SH3BGRL2: variants seen among roughly 807,000 people sequenced by gnomAD.
SH3BGRL2 encodes SH3 domain-binding glutamic acid-rich-like protein 2.
A neutral mutation model predicts 14.8 loss-of-function variants in SH3BGRL2; 21 were observed. That is an observed-to-expected ratio of 1.42 (90% CI 1.01 to 2.05). The LOEUF is 2.05. SH3BGRL2 is among the 30% of genes most tolerant of loss of function. The pLI, the probability that SH3BGRL2 is intolerant of heterozygous loss-of-function variation, is 0.00. For synonymous variants in SH3BGRL2, 50 were observed against 47.8 expected, an observed-to-expected ratio of 1.05 and a Z score of -0.19; for missense variants, 147 against 130.8, an observed-to-expected ratio of 1.12 and a Z score of -0.61.
the SH3BGRL2 span, among the ~76,000 whole-genome samples, chr6:79,580,045 CAAAG>C: frequency 3.3e-5 from 5 of 152,214 alleles, no homozygotes; most frequent in East Asian, 3.9e-4. Flanking sequence ...TCAAAAGAGA[CAAAG>C]AAGGCCATTA....
intron 1 of SH3BGRL2, among the ~76,000 whole-genome samples, chr6:79,662,339 T>C (rs1355228847): frequency 1.3e-5 from 2 of 152,236 alleles, no homozygotes; most frequent in Non-Finnish European, 2.9e-5. Context: ...AAGGCGGACC[T>C]GGTGGTGACA....
At chr6:79,619,911 A>G in the SH3BGRL2 span, among the ~76,000 whole-genome samples, 1 of 152,240 alleles carries the variant, frequency 6.6e-6, no homozygotes, top group Non-Finnish European at 1.5e-5. Context: ...TAGAAGTCAC[A>G]CCATTTGGTT....
intron 1 of SH3BGRL2, among the ~76,000 whole-genome samples, chr6:79,661,628 C>T (rs1769550388): frequency 1.3e-5 from 2 of 152,150 alleles, no homozygotes; most frequent in Non-Finnish European, 1.5e-5. Flanking sequence ...GTGAAGAGTT[C>T]TGTAGATGTC....
chr6:79,628,512 G>A (rs1267231786), upstream of SH3BGRL2, among the ~76,000 whole-genome samples: 4 of 151,832 alleles, frequency 2.6e-5, no homozygotes, highest in Non-Finnish European at 4.4e-5. Context: ...TTGGCTACCC[G>A]CTCTATCTGT....
the SH3BGRL2 span, among the ~76,000 whole-genome samples, chr6:79,548,159 A>G: frequency 6.6e-6 from 1 of 151,840 alleles, no homozygotes; most frequent in Non-Finnish European, 1.5e-5. Flanking sequence ...CTGAGCCACC[A>G]CTCCCAGCCA....
At chr6:79,572,418 T>G in the SH3BGRL2 span, among the ~76,000 whole-genome samples, 1 of 152,124 alleles carries the variant, frequency 6.6e-6, no homozygotes, top group Non-Finnish European at 1.5e-5. Context: ...TTCTACCAAT[T>G]TTATGGGTAT....
At chr6:79,561,344 G>A in the SH3BGRL2 span, 1 of 152,008 alleles carries the variant, frequency 6.6e-6, no homozygotes, top group Non-Finnish European at 1.5e-5. Context: ...GTGGGAGAAG[G>A]TGTATTTTGT....
intron 1 of SH3BGRL2, among the ~76,000 whole-genome samples, chr6:79,669,176 G>A (rs1769720804): frequency 6.6e-6 from 1 of 152,104 alleles, no homozygotes; most frequent in Non-Finnish European, 1.5e-5. Flanking sequence ...AATTGACATT[G>A]TAGAGAGAGA....
the SH3BGRL2 span, among the ~76,000 whole-genome samples, chr6:79,564,513 G>A: frequency 6.6e-6 from 1 of 152,090 alleles, no homozygotes; most frequent in South Asian, 2.1e-4. Flanking sequence ...CACAGCAAGT[G>A]GTAAAGCTAG....
chr6:79,573,028 T>G, the SH3BGRL2 span, among the ~76,000 whole-genome samples: 1 of 152,222 alleles, frequency 6.6e-6, no homozygotes, highest in African/African-American at 2.4e-5. Flanking sequence ...CATAATCTTT[T>G]CCTTAAAGGT....
At chr6:79,579,900 C>A in the SH3BGRL2 span, among the ~76,000 whole-genome samples, 7 of 152,118 alleles carry the variant, frequency 4.6e-5, no homozygotes, top group African/African-American at 1.7e-4. Context: ...ATTCAGGAGA[C>A]CCATCTCACG....
the SH3BGRL2 span, among the ~76,000 whole-genome samples, chr6:79,581,681 T>C: frequency 6.6e-6 from 1 of 152,128 alleles, no homozygotes; most frequent in Admixed American, 6.5e-5. Context: ...ACAGCCAATA[T>C]CATACTGAAT....
chr6:79,590,521 A>G, the SH3BGRL2 span, among the ~76,000 whole-genome samples: 1 of 147,464 alleles, frequency 6.8e-6, no homozygotes, highest in Non-Finnish European at 1.5e-5. Context: ...CTTTGCAGCA[A>G]TGTGGATGCT....
At chr6:79,631,854 C>G (rs1277373899) in intron 1 of SH3BGRL2, among the ~76,000 whole-genome samples, 4 of 152,178 alleles carry the variant, frequency 2.6e-5, no homozygotes, top group Non-Finnish European at 4.4e-5. Context: ...TAGTTTAGTT[C>G]TTCCCGATTT....
the SH3BGRL2 span, among the ~76,000 whole-genome samples, chr6:79,617,390 C>T: frequency 1.3e-5 from 2 of 152,106 alleles, no homozygotes; most frequent in African/African-American, 4.8e-5. Context: ...TGGACATTTT[C>T]TTACATAATC....
the SH3BGRL2 span, among the ~76,000 whole-genome samples, chr6:79,558,099 A>G: frequency 6.6e-6 from 1 of 152,252 alleles, no homozygotes; most frequent in South Asian, 2.1e-4. Context: ...TTGCTGTGAC[A>G]GTCAAATGAG....
At chr6:79,545,794 G>A in the SH3BGRL2 span, among the ~76,000 whole-genome samples, 5 of 152,118 alleles carry the variant, frequency 3.3e-5, no homozygotes, top group African/African-American at 1.2e-4. Flanking sequence ...TCTGTATTCA[G>A]GAAAGAGAAA....
At chr6:79,605,138 C>A in the SH3BGRL2 span, among the ~76,000 whole-genome samples, 2 of 152,216 alleles carry the variant, frequency 1.3e-5, no homozygotes, top group African/African-American at 4.8e-5. Flanking sequence ...TGTTTTCACA[C>A]TCTTGAAATG....
At chr6:79,612,884 T>A in the SH3BGRL2 span, among the ~76,000 whole-genome samples, 6 of 152,174 alleles carry the variant, frequency 3.9e-5, no homozygotes, top group African/African-American at 1.2e-4. Flanking sequence ...CACAGAATAT[T>A]GATTTAATGA....
Sources: allele counts gnomAD v4.1 joint callset (sites outside exome capture counted in the v4.1 genomes callset), GRCh38; gene constraint gnomAD v4.1.1; transcripts MANE v1.5; gene names NCBI Gene and HGNC (gene_info 2026-07-23, HGNC 2026-07-21).